Variants in RCN1 observed in about 807,000 individuals in gnomAD.
RCN1 encodes the protein reticulocalbin 1.
RCN1 carries 14 observed loss-of-function variants against 34.7 expected under a neutral mutation model. The ratio of observed to expected loss-of-function variants is 0.40; its 90% CI spans 0.27 to 0.63. The LOEUF (loss-of-function observed/expected upper bound fraction) is 0.63, where lower values mean the gene tolerates loss of function less well. Ranked by LOEUF, RCN1 falls within the 30% of genes least tolerant of loss-of-function variation. The probability of loss-of-function intolerance (pLI) is 0.37; values close to 1 mark genes in which losing one functional copy is unlikely to be tolerated. For synonymous variants in RCN1, 125 were observed against 165.5 expected, an observed-to-expected ratio of 0.76 and a Z score of 1.88; for missense variants, 326 against 425.1, an observed-to-expected ratio of 0.77 and a Z score of 2.05.
intron 3 of RCN1, among the ~76,000 whole-genome samples, chr11:32,098,844 G>A (rs1852003788): frequency 6.6e-6 from 1 of 152,096 alleles, no homozygotes; most frequent in Non-Finnish European, 1.5e-5. Context: ...CTGCCATCTT[G>A]TAGCTTCAAA....
chr11:32,091,392 A>G lies in RCN1; in HGVS notation c.196A>G (p.Lys66Glu). ...GTACGACCACGAGGCCTTCCTGGGC[A>G]AGGAGGACTCCAAGACCTTCGACCA... ...FQYDHEAFLG[K>E]EDSKTFDQLT... The change falls in exon 1 of 6, where the codon AAG (lysine) becomes GAG (glutamate). Residue 66 changes from lysine to glutamate, a missense_variant. By Grantham distance (56) the Lys-to-Glu change is moderately conservative (BLOSUM62 1). Coordinates refer to ENST00000054950, the MANE Select transcript of RCN1 (RefSeq NM_002901.4). The G allele has an allele frequency of 6.5e-7, 1 of 1,549,396 alleles. No individual in the cohort carries two copies. The highest frequency in any genetic ancestry group is 1.2e-5 in the South Asian group (1 of 83,770).
At chr11:32,095,360 C>G (rs1391086993) in intron 1 of RCN1, among the ~76,000 whole-genome samples, 2 of 152,120 alleles carry the variant, frequency 1.3e-5, no homozygotes, top group Non-Finnish European at 2.9e-5. Context: ...AATCCTCCCA[C>G]CTCAGCCTCC....
chr11:32,098,508 A>G lies in RCN1; in HGVS notation c.607A>G (p.Met203Val), dbSNP rs745845082. ...AFLHPEEFEH[M>V]KEIVVLETLE... is the part of the protein sequence containing the mutation. The stretch of plus-strand genomic sequence containing the variant: ...TCTGCATCCTGAAGAGTTTGAACAT[A>G]TGAAGGAAATTGTGGTTTTGGTAAG... The change falls in exon 3 of 6, where the codon ATG becomes GTG. Residue 203 changes from methionine (M) to valine (V), a missense_variant. By Grantham distance (21) the Met-to-Val change is conservative. Transcript: ENST00000054950. 9 of 1,610,280 alleles carry G rather than the reference A, an allele frequency of 5.6e-6. No homozygotes were observed. Among genetic ancestry groups the G allele is most frequent in the Non-Finnish European group, 7.6e-6 (9 of 1,178,998 alleles).
rs1403177671 is a variant in RCN1, at chr11:32,100,545, T to C, written c.628-3T>C. ...GCATTCTGTTTTACCTTTTGCTTCC[T>C]AGGAAACCCTGGAGGACATCGACAA... On this transcript the variant is annotated splice_region_variant and splice_polypyrimidine_tract_variant and intron_variant, in intron 3 of 5. Coordinates refer to ENST00000054950, the MANE Select transcript of RCN1 (RefSeq NM_002901.4). 2 of 1,613,256 alleles carry C rather than the reference T, an allele frequency of 1.2e-6. No individual in the cohort carries two copies. The highest frequency in any genetic ancestry group is 2.7e-5 in the African/African-American group (2 of 74,878).
In RCN1 at chr11:32,097,198, G is replaced by A. The variant is rs780722287; in HGVS notation, c.309G>A (p.Glu103=). Residue 103 remains glutamate (E), a synonymous_variant, in exon 2 of 6, where the codon GAG becomes GAA. Coordinates refer to ENST00000054950, the MANE Select transcript of RCN1 (RefSeq NM_002901.4). Reference sequence around the variant, plus strand: ...GGGATGGCTTTGTCACTACTGAGGAGCTGAAAACCTGGATCAAACGGGTGC... The same window carrying A: ...GGGATGGCTTTGTCACTACTGAGGAACTGAAAACCTGGATCAAACGGGTGC... ...NDGDGFVTTE[E]LKTWIKRVQK... 1 of 1,601,524 alleles carries A rather than the reference G, an allele frequency of 6.2e-7. No homozygotes were observed. The highest frequency in any genetic ancestry group is 1.8e-5 in the Admixed American group (1 of 57,020).
intron 4 of RCN1, among the ~76,000 whole-genome samples, chr11:32,101,226 C>T (rs1182668547): frequency 6.7e-6 from 1 of 149,534 alleles, no homozygotes; most frequent in Non-Finnish European, 1.5e-5. Context: ...AGAGCCCTTC[C>T]TGGTAGCCCC....
At chr11:32,102,961 A>C (rs918452450) in intron 4 of RCN1, 1 of 482,840 alleles carries the variant, frequency 2.1e-6, no homozygotes, top group South Asian at 1.6e-5. Context: ...ACATTTGATC[A>C]TAATAGCCCC....
intron 4 of RCN1, 33 bp from the exon 5 acceptor site, chr11:32,103,248 T>C (rs1322234000): frequency 1.2e-6 from 2 of 1,606,140 alleles, no homozygotes; most frequent in Non-Finnish European, 1.7e-6. Flanking sequence ...CTTCCCACTT[T>C]CCTTTGTAAC....
intron 4 of RCN1, chr11:32,101,954 C>CAG (rs1193883632): frequency 6.6e-6 from 1 of 152,200 alleles, no homozygotes; most frequent in Non-Finnish European, 1.5e-5. Context: ...AAGTCAGAGG[C>CAG]AGAACTCTTT....
Position 32,104,655 on chromosome 11 carries a change from A to G in RCN1, c.*183A>G. On this transcript the variant is annotated 3_prime_UTR_variant, in exon 6 of 6. Transcript: ENST00000054950. ...GGAAAATGGACATCACTAGTCTTTC[A>G]GTAAGATTTCTCTCAAAACACGTGA... 2.0e-6 allele frequency: 1 copy of G among 491,802 alleles called. No homozygotes were observed. Among genetic ancestry groups the G allele is most frequent in the Non-Finnish European group, 3.6e-6 (1 of 278,220 alleles). 30.5% of individuals were successfully genotyped at this position (491,802 alleles called of 1,614,324 possible).
chr11:32,100,399 T>TAAAA, intron 3 of RCN1, 149 bp from the exon 4 acceptor site: 1 of 646,548 alleles, frequency 1.5e-6, no homozygotes, highest in South Asian at 1.9e-5. Flanking sequence ...TTTTTACAGA[T>TAAAA]AAAAAACTAG....
intron 4 of RCN1, among the ~76,000 whole-genome samples, chr11:32,101,830 G>A (rs1041259075): frequency 2.0e-5 from 3 of 152,094 alleles, no homozygotes; most frequent in African/African-American, 7.2e-5. Flanking sequence ...GTGGCACTGG[G>A]GATGAAATGA....
chr11:32,099,071 G>A (rs1246070029), intron 3 of RCN1, among the ~76,000 whole-genome samples: 2 of 152,184 alleles, frequency 1.3e-5, no homozygotes, highest in Admixed American at 6.5e-5. Flanking sequence ...TGTAATCCCA[G>A]CACTTTGGGA....
intron 4 of RCN1, chr11:32,102,627 C>G (rs527718556): frequency 6.8e-5 from 11 of 161,344 alleles, no homozygotes; most frequent in African/African-American, 2.6e-4. Flanking sequence ...AAGTGAAAGC[C>G]CTTTGGAAAT....
In RCN1 at chr11:32,104,399, A is replaced by C; in HGVS notation, c.923A>C (p.Asn308Thr). The change falls in exon 6 of 6, where the codon AAC (asparagine) becomes ACC (threonine). Residue 308 changes from asparagine to threonine, a missense_variant. By Grantham distance (65) the Asn-to-Thr change is moderately conservative. Transcript: ENST00000054950. The stretch of plus-strand genomic sequence containing the variant: ...CTAACTAAAGAGGAAATATTGGAGA[A>C]CTGGAACATGTTTGTCGGAAGCCAA... ...EKLTKEEILE[N>T]WNMFVGSQAT... The C allele has an allele frequency of 6.3e-7, 1 of 1,579,114 alleles. No individual in the cohort carries two copies. Among genetic ancestry groups the C allele is most frequent in the South Asian group, 1.1e-5 (1 of 89,950 alleles).
intron 1 of RCN1, among the ~76,000 whole-genome samples, chr11:32,096,363 G>A (rs576072751): frequency 6.6e-6 from 1 of 152,300 alleles, no homozygotes; most frequent in Non-Finnish European, 1.5e-5. Context: ...CTAGCATTTA[G>A]GGTACCTCAG....
Position 32,103,281 on chromosome 11 carries a change from C to T in RCN1, c.689C>T (p.Ala230Val), listed in dbSNP as rs886841229. ...DGFVDQDEYI[A>V]DMFSHEENGP... ...AACCAACAATAACCTTCCCTTCTAG[C>T]GGATATGTTTTCCCATGAGGAGAAT... Residue 230 changes from alanine (A) to valine (V), a missense_variant and splice_region_variant, in exon 5 of 6, where the codon GCG (alanine) becomes GTG (valine). Ala to Val is a moderately conservative substitution (Grantham distance 64). Coordinates refer to ENST00000054950, the MANE Select transcript of RCN1 (RefSeq NM_002901.4). 3.2e-5 allele frequency: 52 copies of T among 1,613,396 alleles called. No individual in the cohort carries two copies. The highest frequency in any genetic ancestry group is 4.0e-5 in the Non-Finnish European group (47 of 1,179,484).
chr11:32,097,533 G>T (rs1279409005), intron 2 of RCN1, among the ~76,000 whole-genome samples, 196 bp downstream of exon 2: 2 of 152,170 alleles, frequency 1.3e-5, no homozygotes, highest in African/African-American at 4.8e-5. Flanking sequence ...TTACAGGTGG[G>T]AGGGAAGGGC....
chr11:32,099,370 T>G (rs1213557686), intron 3 of RCN1, among the ~76,000 whole-genome samples: 1 of 151,714 alleles, frequency 6.6e-6, no homozygotes, highest in African/African-American at 2.4e-5. Flanking sequence ...AACTAGCTAG[T>G]CTCTGCCCCA....
Sources: allele counts gnomAD v4.1 joint callset (sites outside exome capture counted in the v4.1 genomes callset), GRCh38; gene constraint gnomAD v4.1.1; transcripts MANE v1.5; gene names NCBI Gene and HGNC (gene_info 2026-07-23, HGNC 2026-07-21).